The following SAR1A variants were observed in gnomAD, a reference collection of about 807,000 sequenced individuals.
SAR1A encodes small COPII coat GTPase SAR1A.
SAR1A carries 6 observed loss-of-function variants against 22.6 expected under a neutral mutation model. The ratio of observed to expected loss-of-function variants is 0.27; its 90% CI spans 0.15 to 0.52. SAR1A has a LOEUF of 0.52. SAR1A is among the 20% of genes least tolerant of loss of function. The pLI is 0.96. For synonymous variants in SAR1A, 70 were observed against 82.2 expected, an observed-to-expected ratio of 0.85 and a Z score of 0.80; for missense variants, 145 against 245.1, an observed-to-expected ratio of 0.59 and a Z score of 2.73.
At chr10:70,157,417 A>C in intron 5 of SAR1A, among the ~76,000 whole-genome samples, 1 of 151,026 alleles carries the variant, frequency 6.6e-6, no homozygotes. Context: ...AAAAAAAAAA[A>C]AAAAAAAAAA....
At chr10:70,161,496 T>G (rs1240101823) in intron 3 of SAR1A, 123 bp downstream of exon 3, 3 of 1,154,110 alleles carry the variant, frequency 2.6e-6, no homozygotes, top group Admixed American at 5.0e-5. Flanking sequence ...CAGGGAACTT[T>G]CTCGTATGAG....
Position 70,165,926 on chromosome 10 carries a change from C to T in SAR1A, c.-16-3995G>A, listed in dbSNP as rs1839543907. Among the ~76,000 whole-genome samples, 3 of 152,342 alleles carry T rather than the reference C, an allele frequency of 2.0e-5. No homozygotes were observed. In the South Asian group the frequency reaches 6.2e-4, roughly 32 times the overall value. Reference sequence around the variant, plus strand: ...TATTTTAAGAAACTGCCACAGCCATCCCAACCTTTAGCAATCATCAACCTG... The same window carrying T: ...TATTTTAAGAAACTGCCACAGCCATTCCAACCTTTAGCAATCATCAACCTG... On this transcript the variant is annotated intron_variant, in intron 1 of 6. Coordinates refer to ENST00000373241, the MANE Select transcript of SAR1A (RefSeq NM_020150.5).
intron 1 of SAR1A, chr10:70,167,510 G>A (rs1052858377): frequency 6.6e-6 from 1 of 152,184 alleles, no homozygotes; most frequent in Non-Finnish European, 1.5e-5. Context: ...GGCTGAGGCA[G>A]GAGAAACGCT....
chr10:70,161,472 C>G lies in SAR1A; in HGVS notation c.178+147G>C, dbSNP rs1305014301. 8.4e-6 allele frequency: 7 copies of G among 834,832 alleles called. No individual in the cohort carries two copies. The African/African-American group carries it at 8.6e-5, about 10-fold the overall frequency. The allele number at this position is 834,832 out of a possible 1,614,324, so 51.7% of individuals were successfully genotyped here. A position where few individuals can be genotyped will look rare whatever the true frequency, so the allele number is the denominator to read the frequency against. ...AGGTTTAGATCTGAAAGTACATAACCTGAGTGTGTCTTACAGGGAACTTTC... is the reference window on the plus strand; with the variant it reads ...AGGTTTAGATCTGAAAGTACATAACGTGAGTGTGTCTTACAGGGAACTTTC... On this transcript the variant is annotated intron_variant, in intron 3 of 6. Coordinates refer to ENST00000373241, the MANE Select transcript of SAR1A (RefSeq NM_020150.5).
rs2136705934 is a variant in SAR1A at position 70,149,875 on chromosome 10, G to A, written c.*2601C>T. On this transcript the variant is annotated 3_prime_UTR_variant, in exon 7 of 7. Transcript: ENST00000373241. ...GGCCAATTCTAATTCTGTGTAAAATGAGTGAAACACAGCTAAACTAGAACT... is the reference window on the plus strand; with the variant it reads ...GGCCAATTCTAATTCTGTGTAAAATAAGTGAAACACAGCTAAACTAGAACT... 1 of 152,214 alleles carries A rather than the reference G, an allele frequency of 6.6e-6. No individual in the cohort carries two copies. The highest frequency in any genetic ancestry group is 2.1e-4 in the South Asian group (1 of 4,826). 9.4% of individuals were successfully genotyped at this position (152,214 alleles called of 1,614,324 possible). A position where few individuals can be genotyped will look rare whatever the true frequency, so the allele number is the denominator to read the frequency against.
chr10:70,154,081 G>A, intron 5 of SAR1A, 112 bp from the exon 6 acceptor site: 1 of 779,622 alleles, frequency 1.3e-6, no homozygotes, highest in East Asian at 2.8e-5. Flanking sequence ...AGGCATTAAT[G>A]TAAAGTGAAA....
At chr10:70,164,353 T>A (rs1839517901) in intron 1 of SAR1A, among the ~76,000 whole-genome samples, 1 of 152,236 alleles carries the variant, frequency 6.6e-6, no homozygotes, top group Non-Finnish European at 1.5e-5. Flanking sequence ...ACTCCGGATA[T>A]ATCTAAGCCC....
At chr10:70,155,041 G>A in intron 5 of SAR1A, 1 of 508,928 alleles carries the variant, frequency 2.0e-6, no homozygotes, top group Non-Finnish European at 4.0e-6. Context: ...CAAGCATTTA[G>A]ATAGACATGC....
chr10:70,156,929 G>A (rs1164864395), intron 5 of SAR1A, among the ~76,000 whole-genome samples: 4 of 152,156 alleles, frequency 2.6e-5, no homozygotes, highest in African/African-American at 9.7e-5. Flanking sequence ...CTTGAAGTGA[G>A]TCCTTAATAG....
chr10:70,166,395 T>G (rs181628311), intron 1 of SAR1A, among the ~76,000 whole-genome samples: 50 of 152,308 alleles, frequency 3.3e-4, no homozygotes, highest in African/African-American at 1.2e-3. Flanking sequence ...TTAGATGCAC[T>G]AAATAGAAAA....
At chr10:70,156,118 G>A (rs1839384057) in intron 5 of SAR1A, among the ~76,000 whole-genome samples, 1 of 152,144 alleles carries the variant, frequency 6.6e-6, no homozygotes, top group South Asian at 2.1e-4. Context: ...ATCAGTAGTA[G>A]GAGTTGTCGA....
At position 70,161,465 on chromosome 10, in the gene SAR1A, A is replaced by G. The variant is rs1389586127; in HGVS notation, c.178+154T>C. ...GTTCCAGAGGTTTAGATCTGAAAGT[A>G]CATAACCTGAGTGTGTCTTACAGGG... On this transcript the variant is annotated intron_variant, in intron 3 of 6. Transcript: ENST00000373241. The G allele has an allele frequency of 6.3e-6, 5 of 793,222 alleles. No individual in the cohort carries two copies. The African/African-American group carries it at 8.7e-5, about 14-fold the overall frequency. 49.1% of individuals were successfully genotyped at this position (793,222 alleles called of 1,614,324 possible). A position where few individuals can be genotyped will look rare whatever the true frequency, so the allele number is the denominator to read the frequency against.
In SAR1A at chr10:70,152,396, C is replaced by G; in HGVS notation, c.*80G>C. On this transcript the variant is annotated 3_prime_UTR_variant, in exon 7 of 7. Coordinates refer to ENST00000373241, the MANE Select transcript of SAR1A (RefSeq NM_020150.5). ...ACATGGTTGGAGAGCTTTCCTTGTT[C>G]TATTAGAAAAGTTCATGAGGAAGCT... The G allele has an allele frequency of 8.6e-7, 1 of 1,159,614 alleles. No homozygotes were observed. The highest frequency in any genetic ancestry group is 2.4e-5 in the East Asian group (1 of 42,500). 71.8% of individuals were successfully genotyped at this position (1,159,614 alleles called of 1,614,324 possible).
chr10:70,154,991 CAAT>C (rs1247909487), intron 5 of SAR1A: 1 of 445,932 alleles, frequency 2.2e-6, no homozygotes, highest in Non-Finnish European at 4.6e-6. Context: ...TGCATTAGGA[CAAT>C]AATTCAGGAA....
chr10:70,167,283 T>TG (rs1234396573), intron 1 of SAR1A: 2 of 151,762 alleles, frequency 1.3e-5, no homozygotes, highest in East Asian at 3.9e-4. Context: ...TGCAGAAAAA[T>TG]GGAAGGTCCA....
chr10:70,169,999 T>C (rs920893716), intron 1 of SAR1A, among the ~76,000 whole-genome samples: 1 of 152,076 alleles, frequency 6.6e-6, no homozygotes, highest in Non-Finnish European at 1.5e-5. Context: ...ACTCGCTAAC[T>C]GCGGAGCCTT....
chr10:70,153,156 T>C (rs1382791136), intron 6 of SAR1A, among the ~76,000 whole-genome samples: 1 of 152,226 alleles, frequency 6.6e-6, no homozygotes, highest in South Asian at 2.1e-4. Context: ...AAAAGGAAGA[T>C]ATTTAAAAAC....
At chr10:70,152,614 A>C (rs947935482) in intron 6 of SAR1A, 22 bp from the exon 7 acceptor site, 3 of 1,447,750 alleles carry the variant, frequency 2.1e-6, no homozygotes, top group Non-Finnish European at 2.9e-6. Context: ...AAAACCAAGA[A>C]AGGCCTGTTA....
At chr10:70,157,325 AC>A (rs1252620989) in intron 5 of SAR1A, among the ~76,000 whole-genome samples, 1 of 151,220 alleles carries the variant, frequency 6.6e-6, no homozygotes, top group African/African-American at 2.4e-5. Context: ...AATCCCTCGA[AC>A]CCAGGAGGTG....
Sources: allele counts gnomAD v4.1 joint callset (sites outside exome capture counted in the v4.1 genomes callset), GRCh38; gene constraint gnomAD v4.1.1; transcripts MANE v1.5; gene names NCBI Gene and HGNC (gene_info 2026-07-23, HGNC 2026-07-21).